BACH2: variants seen among roughly 807,000 people sequenced by gnomAD.
BACH2 encodes the protein transcription regulator protein BACH2.
Under a neutral mutation model 61.8 loss-of-function variants are expected in BACH2, and 5 were observed. That is an observed-to-expected ratio of 0.08 (90% CI 0.04 to 0.17). The LOEUF is 0.17. Ranked by LOEUF, BACH2 falls within the 10% of genes least tolerant of loss-of-function variation. The pLI is 1.00. For synonymous variants in BACH2, 446 were observed against 440.1 expected (o/e 1.01, Z -0.17); for missense variants, 824 against 1,091.1 (o/e 0.76, Z 3.45).
Position 90,008,391 on chromosome 6 carries a change from G to T in BACH2, c.243+211C>A. The T allele has an allele frequency of 1.6e-6, 1 of 641,830 alleles. No homozygotes were observed. The highest frequency in any genetic ancestry group is 2.6e-6 in the Non-Finnish European group (1 of 378,892). The allele number at this position is 641,830 out of a possible 1,614,324, so 39.8% of individuals were successfully genotyped here. A position where few individuals can be genotyped will look rare whatever the true frequency, so the allele number is the denominator to read the frequency against. ...GTGACTGAGCCACAGGTGAGGTTCA[G>T]TTCCCTTCAAGAAAGATATTCACAT... is the stretch of plus-strand genomic sequence containing the variant. On this transcript the variant is annotated intron_variant, in intron 6 of 8. Transcript: ENST00000257749. This position sits in a 1 kb window ranked among gnomAD's most constrained non-coding sequence, Gnocchi z 4.1.
intron 6 of BACH2, among the ~76,000 whole-genome samples, chr6:89,987,614 T>C (rs920714649): frequency 2.0e-5 from 3 of 152,220 alleles, no homozygotes; most frequent in African/African-American, 4.8e-5. Flanking sequence ...TTAAGGAAGA[T>C]AGATTTCTGC....
chr6:90,115,099 A>G (rs1180080021), intron 4 of BACH2, among the ~76,000 whole-genome samples: 1 of 152,224 alleles, frequency 6.6e-6, no homozygotes, highest in Non-Finnish European at 1.5e-5. Context: ...ATACTGCCCG[A>G]AGCAATTTAC....
intron 5 of BACH2, among the ~76,000 whole-genome samples, chr6:90,056,255 C>G (rs1780342633): frequency 6.6e-6 from 1 of 151,944 alleles, no homozygotes; most frequent in South Asian, 2.1e-4. Flanking sequence ...CACATAGGCT[C>G]CAAATAAAGG....
intron 4 of BACH2, among the ~76,000 whole-genome samples, chr6:90,182,314 CAT>C (rs1452749744): frequency 2.6e-5 from 4 of 152,328 alleles, no homozygotes; most frequent in Non-Finnish European, 5.9e-5. Context: ...AGGCCCATCA[CAT>C]ACTGTTCCTT....
chr6:90,179,128 G>A (rs911450576), intron 4 of BACH2, among the ~76,000 whole-genome samples: 1 of 152,138 alleles, frequency 6.6e-6, no homozygotes, highest in African/African-American at 2.4e-5. Flanking sequence ...GTCAGACTCC[G>A]AATATGTGAA....
chr6:90,124,881 C>T (rs189181981), intron 4 of BACH2, among the ~76,000 whole-genome samples: 9 of 152,290 alleles, frequency 5.9e-5, no homozygotes, highest in Non-Finnish European at 5.9e-5. Context: ...ACCTTGCACA[C>T]GAATGCTTGT....
At chr6:90,128,186 G>A (rs1783937134) in intron 4 of BACH2, among the ~76,000 whole-genome samples, 3 of 152,144 alleles carry the variant, frequency 2.0e-5, no homozygotes, top group Non-Finnish European at 2.9e-5. Flanking sequence ...GAAGGAAGTG[G>A]AGGAAAGAAT....
At chr6:90,171,781 A>C (rs956379553) in intron 4 of BACH2, among the ~76,000 whole-genome samples, 1 of 152,218 alleles carries the variant, frequency 6.6e-6, no homozygotes, top group African/African-American at 2.4e-5. Flanking sequence ...TAAAAAAGTA[A>C]ACAGGATCTT....
At chr6:90,291,902 T>C (rs1237508527) in intron 1 of BACH2, among the ~76,000 whole-genome samples, 2 of 152,232 alleles carry the variant, frequency 1.3e-5, no homozygotes, top group South Asian at 2.1e-4. Flanking sequence ...CATTGACTTC[T>C]GAACTGTGAG....
At chr6:90,114,041 G>A (rs895007906) in intron 4 of BACH2, among the ~76,000 whole-genome samples, 1 of 151,928 alleles carries the variant, frequency 6.6e-6, no homozygotes. Flanking sequence ...CTTAGCAACC[G>A]AAAAAGCGCA....
chr6:90,219,419 T>C (rs1769660179), intron 3 of BACH2, among the ~76,000 whole-genome samples: 1 of 152,240 alleles, frequency 6.6e-6, no homozygotes, highest in Non-Finnish European at 1.5e-5. Flanking sequence ...GCACAGGCTA[T>C]GTCCCTCTGG....
intron 8 of BACH2, among the ~76,000 whole-genome samples, chr6:89,936,401 C>G (rs1276928208): frequency 6.6e-6 from 1 of 152,156 alleles, no homozygotes; most frequent in Non-Finnish European, 1.5e-5. Context: ...CTCAGCCTCC[C>G]AAAGTACTGC....
rs1329823873 is a variant in BACH2 at position 90,296,293 on chromosome 6, G to A, written c.-446+187C>T. Among the ~76,000 whole-genome samples the A allele has an allele frequency of 7.3e-5, 11 of 151,600 alleles. No individual in the cohort carries two copies. In the East Asian group the frequency reaches 9.8e-4, roughly 14 times the overall value. On this transcript the variant is annotated intron_variant, in intron 1 of 8. Coordinates refer to ENST00000257749, the MANE Select transcript of BACH2 (RefSeq NM_021813.4). ...CCGGCTCGGCTCCCACCCCCTTCCC[G>A]TTCCTAGAAAATGCCATAAAAGCGG...
intron 3 of BACH2, among the ~76,000 whole-genome samples, chr6:90,209,478 T>C (rs568790801): frequency 3.9e-5 from 6 of 152,376 alleles, no homozygotes; most frequent in Non-Finnish European, 7.3e-5. Context: ...TAGAACTTTA[T>C]ACATGCTGTT....
intron 5 of BACH2, among the ~76,000 whole-genome samples, chr6:90,040,381 A>G (rs1240703459): frequency 6.6e-6 from 1 of 152,100 alleles, no homozygotes; most frequent in Non-Finnish European, 1.5e-5. Context: ...AAAATTTCAA[A>G]TGTATTTGAG....
chr6:90,054,725 G>C (rs532716418), intron 5 of BACH2, among the ~76,000 whole-genome samples: 1 of 152,348 alleles, frequency 6.6e-6, no homozygotes, highest in East Asian at 1.9e-4. Context: ...GCACCCCCCA[G>C]TAGAGGCGGG....
chr6:90,212,054 T>C (rs1208532665), intron 3 of BACH2, among the ~76,000 whole-genome samples: 1 of 152,184 alleles, frequency 6.6e-6, no homozygotes, highest in Non-Finnish European at 1.5e-5. Context: ...TGCTCTTGCA[T>C]CTAGGACTTA....
intron 1 of BACH2, among the ~76,000 whole-genome samples, chr6:90,289,109 T>A (rs1772107966): frequency 6.6e-6 from 1 of 152,218 alleles, no homozygotes; most frequent in African/African-American, 2.4e-5. Flanking sequence ...TACTGAGAAA[T>A]TATTTTTTAA....
intron 5 of BACH2, among the ~76,000 whole-genome samples, chr6:90,025,471 A>G (rs966179902): frequency 2.0e-5 from 3 of 152,268 alleles, no homozygotes; most frequent in East Asian, 1.9e-4. Flanking sequence ...CTTCTCATAC[A>G]TTAATCTCTG....
Sources: allele counts gnomAD v4.1 joint callset (sites outside exome capture counted in the v4.1 genomes callset), GRCh38; gene constraint gnomAD v4.1.1; non-coding constraint Gnocchi (gnomAD v3.1); transcripts MANE v1.5; gene names NCBI Gene and HGNC (gene_info 2026-07-23, HGNC 2026-07-21).